IWS1: variants seen among roughly 807,000 people sequenced by gnomAD.
IWS1 encodes the protein interacts with SUPT6H, CTD assembly factor 1.
IWS1 carries 27 observed loss-of-function variants against 86.7 expected under a neutral mutation model. That is an observed-to-expected ratio of 0.31 (90% CI 0.23 to 0.43). The LOEUF (loss-of-function observed/expected upper bound fraction) is 0.43. Ranked by LOEUF, IWS1 falls within the 20% of genes least tolerant of loss-of-function variation. The probability of loss-of-function intolerance (pLI) is 1.00; values close to 1 mark genes in which losing one functional copy is unlikely to be tolerated. For synonymous variants in IWS1, 313 were observed against 335.1 expected, an observed-to-expected ratio of 0.93 and a Z score of 0.72; for missense variants, 827 against 1,000.8, an observed-to-expected ratio of 0.83 and a Z score of 2.34.
intron 2 of IWS1, among the ~76,000 whole-genome samples, chr2:127,517,498 T>C (rs1470480064): frequency 6.6e-6 from 1 of 152,184 alleles, no homozygotes; most frequent in Non-Finnish European, 1.5e-5. Flanking sequence ...GAAAGAACAG[T>C]CTTCTCAACA....
rs1342388940 is a variant in IWS1, at chr2:127,505,389, A to G, written c.514T>C (p.Ser172Pro). The G allele has an allele frequency of 6.2e-7, 1 of 1,614,120 alleles. No homozygotes were observed. The highest frequency in any genetic ancestry group is 1.1e-5 in the South Asian group (1 of 91,084). ...GGTTTTAGAGCATCTTCTGTTTCAGAGTCACTAGCAGGACTCTTCTGGAGC... is the reference window on the plus strand; with the variant it reads ...GGTTTTAGAGCATCTTCTGTTTCAGGGTCACTAGCAGGACTCTTCTGGAGC... ...EELQKSPASD[S>P]ETEDALKPQI... Residue 172 changes from serine (S) to proline (P), a missense_variant, in exon 3 of 14, where the codon TCT becomes CCT. Transcript: ENST00000295321. This position sits in a 1 kb window ranked among gnomAD's most constrained non-coding sequence, Gnocchi z 5.0.
At chr2:127,514,485 G>C (rs1039239892) in intron 2 of IWS1, 1 of 153,650 alleles carries the variant, frequency 6.5e-6, no homozygotes, top group Non-Finnish European at 1.5e-5. Flanking sequence ...TGCTTCTTGA[G>C]AGCCCAGACC....
chr2:127,501,842 C>A (rs1191070677), intron 5 of IWS1: 1 of 152,072 alleles, frequency 6.6e-6, no homozygotes, highest in African/African-American at 2.4e-5. Context: ...GCTACTTGCA[C>A]CTACCTACCT....
intron 2 of IWS1, among the ~76,000 whole-genome samples, chr2:127,515,303 A>C (rs1239318561): frequency 1.3e-5 from 2 of 152,170 alleles, no homozygotes; most frequent in South Asian, 4.1e-4. Context: ...CAAGATGCTA[A>C]ATGTCCTGTT....
chr2:127,515,463 G>A (rs1327014372), intron 2 of IWS1, among the ~76,000 whole-genome samples: 2 of 152,202 alleles, frequency 1.3e-5, no homozygotes, highest in South Asian at 2.1e-4. Flanking sequence ...AACTCCATGA[G>A]ATGAAAGAGC....
At chr2:127,488,052 C>CT (rs1690026964) in intron 12 of IWS1, 1 of 153,020 alleles carries the variant, frequency 6.5e-6, no homozygotes, top group Non-Finnish European at 1.5e-5. Context: ...ACAAAGCCCT[C>CT]TGCAGCACCT....
intron 5 of IWS1, among the ~76,000 whole-genome samples, chr2:127,500,958 G>A (rs1690770801): frequency 6.6e-6 from 1 of 152,082 alleles, no homozygotes; most frequent in Non-Finnish European, 1.5e-5. Flanking sequence ...ATACACATTT[G>A]CAAAGGCCTA....
In IWS1 at chr2:127,495,413, T is replaced by C. The variant is rs531485827; in HGVS notation, c.1717-459A>G. ...AATTTCAAATTCTACAAATATAGAA[T>C]AATATACCTGTTGCATATATTTCAA... On this transcript the variant is annotated intron_variant, in intron 7 of 13. Coordinates refer to ENST00000295321, the MANE Select transcript of IWS1 (RefSeq NM_017969.3). Among the ~76,000 whole-genome samples, 572 of 152,342 alleles carry C rather than the reference T, an allele frequency of 3.8e-3. 1 individual carries two copies. The highest frequency in any genetic ancestry group is 6.9e-3 in the Non-Finnish European group (467 of 68,016).
chr2:127,496,550 TAC>T (rs36048775), intron 6 of IWS1, among the ~76,000 whole-genome samples: 3,291 of 140,260 alleles, frequency 0.023, 76 homozygotes, highest in African/African-American at 0.064. Context: ...TATTTTATCA[TAC>T]ACACACACAC....
chr2:127,517,536 A>G (rs1691840566), intron 2 of IWS1, among the ~76,000 whole-genome samples: 2 of 152,252 alleles, frequency 1.3e-5, no homozygotes, highest in Admixed American at 1.3e-4. Context: ...TAGACAGCCA[A>G]TGCAAAGAAT....
At chr2:127,498,448 C>T (rs1386966742) in intron 5 of IWS1, among the ~76,000 whole-genome samples, 1 of 152,214 alleles carries the variant, frequency 6.6e-6, no homozygotes, top group East Asian at 1.9e-4. Flanking sequence ...AGCACTTCTA[C>T]ACATACTTCA....
upstream of IWS1, chr2:127,526,647 G>C: frequency 7.5e-7 from 1 of 1,326,262 alleles, no homozygotes; most frequent in Non-Finnish European, 1.0e-6. Context: ...TTCCTCGGGT[G>C]GATCCTGGTC....
At chr2:127,526,677 G>T (rs973615694), upstream of IWS1, 2 of 1,312,724 alleles carry the variant, frequency 1.5e-6, no homozygotes, top group Admixed American at 2.3e-5. Flanking sequence ...TGGTAATAAC[G>T]TTATCATTGA....
chr2:127,498,014 GA>G (rs59591710), intron 6 of IWS1, 125 bp downstream of exon 6: 63,662 of 664,050 alleles, frequency 0.096, 6,042 homozygotes, highest in African/African-American at 0.36. Flanking sequence ...CGTAAATGGA[GA>G]AAAACAGGAA....
chr2:127,491,009 G>C (rs535682264), intron 10 of IWS1: 22 of 152,288 alleles, frequency 1.4e-4, no homozygotes, highest in Admixed American at 8.5e-4. Context: ...GACAGGAAGA[G>C]TTAAGGAGGA....
chr2:127,497,333 C>T (rs113014434), intron 6 of IWS1, among the ~76,000 whole-genome samples: 3,784 of 152,294 alleles, frequency 0.025, 76 homozygotes, highest in Non-Finnish European at 0.039. Context: ...TGGCACTGCC[C>T]TTTCTTGGAC....
Position 127,499,135 on chromosome 2 carries a change from G to A in IWS1, c.1468-898C>T, listed in dbSNP as rs1690671416. Reference sequence around the variant, plus strand: ...AGACGGAGTCTCACTGTGTCGCCCAGGCCAGAGTGCAGTGGCGTGATCTCG... The same window carrying A: ...AGACGGAGTCTCACTGTGTCGCCCAAGCCAGAGTGCAGTGGCGTGATCTCG... On this transcript the variant is annotated intron_variant, in intron 5 of 13. Transcript: ENST00000295321. The surrounding 1 kb of genome is among the most constrained non-coding windows in gnomAD (Gnocchi z 4.0). Among the ~76,000 whole-genome samples, 1 of 147,182 alleles carries A rather than the reference G, an allele frequency of 6.8e-6. No individual in the cohort carries two copies. The highest frequency in any genetic ancestry group is 6.9e-5 in the Admixed American group (1 of 14,540).
chr2:127,502,895 A>C, intron 4 of IWS1, 23 bp from the exon 5 acceptor site: 2 of 1,374,270 alleles, frequency 1.5e-6, no homozygotes, highest in East Asian at 2.3e-5. Context: ...CAAATGTAAA[A>C]ACATTCATTT....
At chr2:127,502,625 A>G in intron 5 of IWS1, 190 bp downstream of exon 5, 1 of 386,570 alleles carries the variant, frequency 2.6e-6, no homozygotes, top group Non-Finnish European at 4.7e-6. Flanking sequence ...AATTTTGCCC[A>G]TTAGCTTCCT....
Sources: gnomAD v4.1 joint callset for allele counts (sites outside exome capture counted in the v4.1 genomes callset) on GRCh38, gnomAD v4.1.1 for gene constraint, Gnocchi (gnomAD v3.1) non-coding constraint, MANE v1.5 for transcripts, NCBI Gene and HGNC (gene_info 2026-07-23, HGNC 2026-07-21) for gene names.